The following COL7A1 variants were observed in gnomAD, a reference collection of about 807,000 sequenced individuals.
COL7A1 encodes the protein collagen type VII alpha 1 chain, also known as collagen alpha-1(VII) chain.
COL7A1 carries 296 observed loss-of-function variants against 456.2 expected under a neutral mutation model. The ratio of observed to expected loss-of-function variants is 0.65; its 90% CI spans 0.59 to 0.71. The LOEUF is 0.71. COL7A1 is among the 30% of genes least tolerant of loss of function. The pLI is 0.00. For missense variants in COL7A1, 3,441 were observed against 4,017.2 expected (o/e 0.86, Z 3.88); for synonymous variants, 1,464 against 1,525.9 (o/e 0.96, Z 0.95).
rs779113637 is a variant in COL7A1, at chr3:48,569,765, T to C, written c.7522-5A>G. 1.3e-5 allele frequency: 21 copies of C among 1,614,100 alleles called. No homozygotes were observed. Among genetic ancestry groups the C allele is most frequent in the Non-Finnish European group, 1.8e-5 (21 of 1,180,008 alleles). On this transcript the variant is annotated splice_region_variant and splice_polypyrimidine_tract_variant and intron_variant, in intron 100 of 118. Coordinates refer to ENST00000681320, the MANE Select transcript of COL7A1 (RefSeq NM_000094.4). This position sits in a 1 kb window ranked among gnomAD's most constrained non-coding sequence, Gnocchi z 4.9. The stretch of plus-strand genomic sequence containing the variant: ...TCCTGCACTCCCAACATCACCCTAT[T>C]GGGCAAAAGAGTGTGAGTCCCGCCC...
chr3:48,575,368 C>A lies in COL7A1; in HGVS notation c.6151G>T (p.Val2051Leu), dbSNP rs755105730. ...TCTCCTGGCCTTCCTGCCTCTCCCA[C>A]ACCCCCAGCCCTGCCTGGGAGCCCG... ...IPGLPGRAGG[V>L]GEAGRPGERG... Residue 2051 changes from valine (V) to leucine (L), a missense_variant, in exon 74 of 119, where the codon GTG becomes TTG. Transcript: ENST00000681320. This position sits in a 1 kb window ranked among gnomAD's most constrained non-coding sequence, Gnocchi z 6.3. The A allele has an allele frequency of 6.2e-7, 1 of 1,612,274 alleles. No individual in the cohort carries two copies. The highest frequency in any genetic ancestry group is 1.1e-5 in the South Asian group (1 of 91,074).
Position 48,579,781 on chromosome 3 carries a change from A to T in COL7A1, c.5154+4T>A. 6.2e-7 allele frequency: 1 copy of T among 1,614,060 alleles called. No individual in the cohort carries two copies. Among genetic ancestry groups the T allele is most frequent in the Non-Finnish European group, 8.5e-7 (1 of 1,180,030 alleles). On this transcript the variant is annotated splice_donor_region_variant and intron_variant, in intron 58 of 118. Transcript: ENST00000681320. The surrounding 1 kb of genome is among the most constrained non-coding windows in gnomAD (Gnocchi z 4.4). ...TCTTACCCTCCACCCACAGACCCTA[A>T]TACCTTCTCTCTGGCTCCAGGTCCT...
Position 48,587,959 on chromosome 3 carries a change from G to T in COL7A1, c.2711-20C>A, listed in dbSNP as rs2045397714. The T allele has an allele frequency of 1.9e-6, 3 of 1,571,486 alleles. No homozygotes were observed. Among genetic ancestry groups the T allele is most frequent in the South Asian group, 1.2e-5 (1 of 86,548 alleles). ...GGCCACCTGGGGCAGGCGTGAGGGT[G>T]GGGGCCAAGAGCATGTGGGATAGTG... is the stretch of plus-strand genomic sequence containing the variant. On this transcript the variant is annotated intron_variant, in intron 21 of 118. Transcript: ENST00000681320. This position sits in a 1 kb window ranked among gnomAD's most constrained non-coding sequence, Gnocchi z 6.1.
chr3:48,566,250 G>A lies in COL7A1; in HGVS notation c.8407+17C>T, dbSNP rs779489933. 6.3e-7 allele frequency: 1 copy of A among 1,594,212 alleles called. No homozygotes were observed. Among genetic ancestry groups the A allele is most frequent in the Non-Finnish European group, 8.5e-7 (1 of 1,171,574 alleles). ...TGCTGGGGTGGAGTGGGAGACTGCG[G>A]GCTGGGCACCACTCACCACAGTGCT... On this transcript the variant is annotated intron_variant, in intron 114 of 118. Transcript: ENST00000681320. This position sits in a 1 kb window ranked among gnomAD's most constrained non-coding sequence, Gnocchi z 5.9.
In COL7A1 at chr3:48,569,567, C is replaced by T. The variant is rs769861093; in HGVS notation, c.7614+25G>A. ...GGTCCCTCTCGCACCCAGGGGAGAC[C>T]CAGTCCACACGTGGGCCCACTCACC... On this transcript the variant is annotated intron_variant, in intron 102 of 118. Transcript: ENST00000681320. This position sits in a 1 kb window ranked among gnomAD's most constrained non-coding sequence, Gnocchi z 4.9. 1.9e-6 allele frequency: 3 copies of T among 1,613,502 alleles called. No homozygotes were observed. The Admixed American group carries it at 5.0e-5, about 27-fold the overall frequency.
Position 48,583,890 on chromosome 3 carries a change from G to A in COL7A1, c.4278+10C>T. On this transcript the variant is annotated intron_variant, in intron 39 of 118. Transcript: ENST00000681320. The surrounding 1 kb of genome is among the most constrained non-coding windows in gnomAD (Gnocchi z 5.1). The stretch of plus-strand genomic sequence containing the variant: ...AGCAGGGCCCCCAGCAGAGCCTCAA[G>A]GCCCCTCACCGGCAGCCCAGGCTCC... The A allele has an allele frequency of 6.2e-7, 1 of 1,613,866 alleles. No individual in the cohort carries two copies. Among genetic ancestry groups the A allele is most frequent in the Non-Finnish European group, 8.5e-7 (1 of 1,179,932 alleles).
Position 48,564,417 on chromosome 3 carries a change from C to G in COL7A1, c.8824G>C (p.Ala2942Pro). 6.2e-7 allele frequency: 1 copy of G among 1,614,108 alleles called. No individual in the cohort carries two copies. Among genetic ancestry groups the G allele is most frequent in the African/African-American group, 1.3e-5 (1 of 75,064 alleles). ...TCATTATCTGGGCCTCAGTCCTGGGCAGTACCTGGTGAGGACAGGTTGGAA... is the reference window on the plus strand; with the variant it reads ...TCATTATCTGGGCCTCAGTCCTGGGGAGTACCTGGTGAGGACAGGTTGGAA... ...RVVQSQGTGT[A>P]QD Residue 2942 changes from alanine to proline, a missense_variant, in exon 119 of 119, where the codon GCC (alanine) becomes CCC (proline). Physicochemically the swap from Ala to Pro is conservative, Grantham distance 27 (BLOSUM62 -1). Coordinates refer to ENST00000681320, the MANE Select transcript of COL7A1 (RefSeq NM_000094.4). The surrounding 1 kb of genome is among the most constrained non-coding windows in gnomAD (Gnocchi z 6.0).
In COL7A1 at chr3:48,590,471, T is replaced by C. The variant is rs1402034615; in HGVS notation, c.1894A>G (p.Ser632Gly). Reference sequence around the variant, plus strand: ...ACCCCACACTGACCACTGCCTGTGCTCCAGCTAATCCGAAATCCACTGGCT... The same window carrying C: ...ACCCCACACTGACCACTGCCTGTGCCCCAGCTAATCCGAAATCCACTGGCT... Reference protein sequence around the residue: ...PGASGFRISWSTGSGPESSQT... With the variant: ...PGASGFRISWGTGSGPESSQT... The change falls in exon 15 of 119, where the codon AGC becomes GGC. Residue 632 changes from serine (S) to glycine (G), a missense_variant. Physicochemically the swap from Ser to Gly is moderately conservative, Grantham distance 56. Coordinates refer to ENST00000681320, the MANE Select transcript of COL7A1 (RefSeq NM_000094.4). This position sits in a 1 kb window ranked among gnomAD's most constrained non-coding sequence, Gnocchi z 4.6. The C allele has an allele frequency of 6.2e-7, 1 of 1,613,918 alleles. No homozygotes were observed.
chr3:48,578,616 G>C lies in COL7A1; in HGVS notation c.5425-101C>G. 1 of 1,358,698 alleles carries C rather than the reference G, an allele frequency of 7.4e-7. No homozygotes were observed. The highest frequency in any genetic ancestry group is 1.2e-5 in the South Asian group (1 of 82,642). The allele number at this position is 1,358,698 out of a possible 1,614,324, so 84.2% of individuals were successfully genotyped here. On this transcript the variant is annotated intron_variant, in intron 63 of 118. Transcript: ENST00000681320. This position sits in a 1 kb window ranked among gnomAD's most constrained non-coding sequence, Gnocchi z 4.7. The stretch of plus-strand genomic sequence containing the variant: ...CCCAAAAAGATCTCCCTCCAGGGTA[G>C]AGACCCCCAGGACTGAGAGGTCCCA...
At position 48,569,889 on chromosome 3, in the gene COL7A1, A is replaced by C. The variant is rs886306814; in HGVS notation, c.7512T>G (p.Arg2504=). 6.2e-7 allele frequency: 1 copy of C among 1,613,792 alleles called. No homozygotes were observed. Among genetic ancestry groups the C allele is most frequent in the African/African-American group, 1.3e-5 (1 of 74,924 alleles). The part of the protein sequence containing the change: ...LTGPPGSRGE[R]GEKGDVGSAG... ...TTCCCCACGTTCCTACCTTCTCCCC[A>C]CGCTCTCCCCTGCTGCCAGGGGGCC... Residue 2504 remains arginine, a synonymous_variant, in exon 100 of 119, where the codon CGT becomes CGG. Transcript: ENST00000681320. The surrounding 1 kb of genome is among the most constrained non-coding windows in gnomAD (Gnocchi z 4.9).
chr3:48,576,178 G>A, intron 71 of COL7A1, 71 bp downstream of exon 71: 1 of 1,603,598 alleles, frequency 6.2e-7, no homozygotes, highest in South Asian at 1.1e-5. Context: ...ATGGCAAGGG[G>A]AAGGGGATGG....
chr3:48,568,652 C>G lies in COL7A1; in HGVS notation c.7759-118G>C, dbSNP rs2107639094. 7.4e-6 allele frequency: 11 copies of G among 1,484,816 alleles called. No homozygotes were observed. The South Asian group carries it at 1.3e-4, about 18-fold the overall frequency. 92.0% of individuals were successfully genotyped at this position (1,484,816 alleles called of 1,614,324 possible). A position where few individuals can be genotyped will look rare whatever the true frequency, so the allele number is the denominator to read the frequency against. ...CCAGGGCCCAGGCCACACACAGATC[C>G]CGGGTGAACACACATGGGGCCGGCA... On this transcript the variant is annotated intron_variant, in intron 104 of 118. Coordinates refer to ENST00000681320, the MANE Select transcript of COL7A1 (RefSeq NM_000094.4). This position sits in a 1 kb window ranked among gnomAD's most constrained non-coding sequence, Gnocchi z 5.2.
At position 48,567,827 on chromosome 3, in the gene COL7A1, C is replaced by A. The variant is rs369481509; in HGVS notation, c.7929+11G>T. 35 of 1,614,066 alleles carry A rather than the reference C, an allele frequency of 2.2e-5. No homozygotes were observed. In the Middle Eastern group the frequency reaches 5.0e-4, roughly 23 times the overall value. Reference sequence around the variant, plus strand: ...GGCCACGTAGCCCCCCAGCCCCCATCCCCTCTGTACCTTGTCTCCCTTCTC... The same window carrying A: ...GGCCACGTAGCCCCCCAGCCCCCATACCCTCTGTACCTTGTCTCCCTTCTC... On this transcript the variant is annotated intron_variant, in intron 107 of 118. Transcript: ENST00000681320. This position sits in a 1 kb window ranked among gnomAD's most constrained non-coding sequence, Gnocchi z 4.3.
chr3:48,584,645 C>T (rs962765354), intron 35 of COL7A1, 89 bp from the exon 36 acceptor site: 19 of 1,612,346 alleles, frequency 1.2e-5, no homozygotes, highest in Middle Eastern at 1.6e-4. Flanking sequence ...TATTCCTATT[C>T]GCGCCTTAGG....
chr3:48,593,512 G>T lies in COL7A1; in HGVS notation c.426+25C>A, dbSNP rs570060569. On this transcript the variant is annotated intron_variant, in intron 4 of 118. Transcript: ENST00000681320. The surrounding 1 kb of genome is among the most constrained non-coding windows in gnomAD (Gnocchi z 4.4). ...GACACTTCATTTGGGGTCATCTTGG[G>T]AGGCATGGTAGGGGTAGGGATCACC... 156 of 1,614,024 alleles carry T rather than the reference G, an allele frequency of 9.7e-5. 4 individuals carry two copies. In the South Asian group the frequency reaches 1.7e-3, roughly 17 times the overall value.
Position 48,595,106 on chromosome 3 carries a change from C to T in COL7A1, c.54G>A (p.Ala18=), listed in dbSNP as rs35899847. The change falls in exon 2 of 119, where the codon GCG becomes GCA. Residue 18 remains alanine (A), a synonymous_variant. Coordinates refer to ENST00000681320, the MANE Select transcript of COL7A1 (RefSeq NM_000094.4). The part of the protein sequence containing the change: ...AALCAGILAE[A]PRVRAQHRER... The stretch of plus-strand genomic sequence containing the variant: ...CCCTGTGCTGGGCTCGCACTCGGGG[C>T]GCCTCTGCCAGGATCCCGGCGCAGA... The T allele has an allele frequency of 1.3e-6, 2 of 1,554,100 alleles. No individual in the cohort carries two copies. Among genetic ancestry groups the T allele is most frequent in the Non-Finnish European group, 1.7e-6 (2 of 1,149,126 alleles).
rs2044202152 is a variant in COL7A1, at chr3:48,575,142, A to C, written c.6217-16T>G. On this transcript the variant is annotated splice_polypyrimidine_tract_variant and intron_variant, in intron 75 of 118. Coordinates refer to ENST00000681320, the MANE Select transcript of COL7A1 (RefSeq NM_000094.4). This position sits in a 1 kb window ranked among gnomAD's most constrained non-coding sequence, Gnocchi z 6.3. ...CATCTCTGCCCTGCAGGAAACAAGA[A>C]AATGGGGTGGCAGCCCCAGCACAGC... is the stretch of plus-strand genomic sequence containing the variant. 2.5e-6 allele frequency: 4 copies of C among 1,613,702 alleles called. No individual in the cohort carries two copies. The South Asian group carries it at 4.4e-5, about 18-fold the overall frequency.
In COL7A1 at chr3:48,590,447, C is replaced by A. The variant is rs376808449; in HGVS notation, c.1906+12G>T. 2 of 1,614,148 alleles carry A rather than the reference C, an allele frequency of 1.2e-6. No homozygotes were observed. The highest frequency in any genetic ancestry group is 1.7e-6 in the Non-Finnish European group (2 of 1,180,022). On this transcript the variant is annotated intron_variant, in intron 15 of 118. Coordinates refer to ENST00000681320, the MANE Select transcript of COL7A1 (RefSeq NM_000094.4). This position sits in a 1 kb window ranked among gnomAD's most constrained non-coding sequence, Gnocchi z 4.6. The stretch of plus-strand genomic sequence containing the variant: ...GTCCCTTTGGCAGTCCCCCCACACA[C>A]CCCACACTGACCACTGCCTGTGCTC...
Position 48,578,984 on chromosome 3 carries a change from T to C in COL7A1, c.5389-30A>G. The C allele has an allele frequency of 1.2e-6, 2 of 1,613,902 alleles. No homozygotes were observed. The highest frequency in any genetic ancestry group is 1.7e-6 in the Non-Finnish European group (2 of 1,179,926). On this transcript the variant is annotated intron_variant, in intron 62 of 118. Coordinates refer to ENST00000681320, the MANE Select transcript of COL7A1 (RefSeq NM_000094.4). This position sits in a 1 kb window ranked among gnomAD's most constrained non-coding sequence, Gnocchi z 4.7. ...GGAGAGACTCAAAGTCAGTTCATCA[T>C]GGTCATGGGGTCAGGGGCTCTAGTC... is the stretch of plus-strand genomic sequence containing the variant.
Sources: allele counts gnomAD v4.1 joint callset, GRCh38; gene constraint gnomAD v4.1.1; non-coding constraint Gnocchi (gnomAD v3.1); transcripts MANE v1.5; gene names NCBI Gene and HGNC (gene_info 2026-07-23, HGNC 2026-07-21).